Variants in MRPS6 observed in about 807,000 individuals in gnomAD.
MRPS6 encodes the protein mitochondrial ribosomal protein S6.
Under a neutral mutation model 13.1 loss-of-function variants are expected in MRPS6, and 6 were observed. The ratio of observed to expected loss-of-function variants is 0.46; its 90% CI spans 0.25 to 0.91. The LOEUF (loss-of-function observed/expected upper bound fraction) is 0.91, where lower values mean the gene tolerates loss of function less well. Among genes scored for constraint, MRPS6 ranks in the 40% least tolerant of loss-of-function variants. The pLI, the probability that MRPS6 is intolerant of heterozygous loss-of-function variation, is 0.18. For synonymous variants in MRPS6, 61 were observed against 56.5 expected (o/e 1.08, Z -0.36); for missense variants, 164 against 155.6 (o/e 1.05, Z -0.29).
intron 1 of MRPS6, among the ~76,000 whole-genome samples, chr21:34,082,303 G>A (rs1332398221): frequency 6.6e-6 from 1 of 152,042 alleles, no homozygotes; most frequent in African/African-American, 2.4e-5. Context: ...CTATAGTTTC[G>A]GATTGTTGGG....
At chr21:34,081,220 A>C (rs369446914) in intron 1 of MRPS6, among the ~76,000 whole-genome samples, 1 of 152,100 alleles carries the variant, frequency 6.6e-6, no homozygotes, top group Non-Finnish European at 1.5e-5. Flanking sequence ...GAAATTGTAG[A>C]TAATGCCATC....
intron 1 of MRPS6, chr21:34,095,753 C>T (rs754822342): frequency 6.2e-7 from 1 of 1,614,044 alleles, no homozygotes; most frequent in South Asian, 1.1e-5. Flanking sequence ...TCTACACAGA[C>T]ACTCTGCAGG....
chr21:34,100,526 T>C (rs893048949), intron 1 of MRPS6: 72 of 1,000,130 alleles, frequency 7.2e-5, no homozygotes, highest in Non-Finnish European at 8.4e-5. Flanking sequence ...AGGGCTTCCT[T>C]TTCACTTGGC....
intron 1 of MRPS6, chr21:34,097,394 T>C: frequency 2.7e-6 from 4 of 1,473,182 alleles, no homozygotes; most frequent in Non-Finnish European, 3.6e-6. Flanking sequence ...AAGACAATAC[T>C]GACTGGTCTT....
At chr21:34,102,538 C>T in intron 1 of MRPS6, 2 of 999,768 alleles carry the variant, frequency 2.0e-6, no homozygotes, top group African/African-American at 1.7e-5. Context: ...TGTATCATTG[C>T]TAATCTTGTG....
Position 34,142,867 on chromosome 21 carries a change from T to A in MRPS6, c.*267T>A. On this transcript the variant is annotated 3_prime_UTR_variant, in exon 3 of 3. Coordinates refer to ENST00000399312, the MANE Select transcript of MRPS6 (RefSeq NM_032476.4). Reference sequence around the variant, plus strand: ...TCATTTCTTTGTCATTGAGGACTTTTCCCCTTACAACAGTAACACCATTTT... The same window carrying A: ...TCATTTCTTTGTCATTGAGGACTTTACCCCTTACAACAGTAACACCATTTT... The A allele has an allele frequency of 3.3e-6, 1 of 303,132 alleles. No individual in the cohort carries two copies. The highest frequency in any genetic ancestry group is 6.0e-6 in the Non-Finnish European group (1 of 166,128). The allele number at this position is 303,132 out of a possible 1,614,324, so 18.8% of individuals were successfully genotyped here. A position where few individuals can be genotyped will look rare whatever the true frequency, so the allele number is the denominator to read the frequency against.
Position 34,137,535 on chromosome 21 carries a change from A to G in MRPS6, c.186-4873A>G, listed in dbSNP as rs8128302. 7.4e-3 allele frequency among the ~76,000 whole-genome samples: 1,133 copies of G among 152,340 alleles called. 14 individuals carry two copies. The highest frequency in any genetic ancestry group is 0.026 in the African/African-American group (1,087 of 41,572). On this transcript the variant is annotated intron_variant, in intron 2 of 2. Coordinates refer to ENST00000399312, the MANE Select transcript of MRPS6 (RefSeq NM_032476.4). ...CTTTCTCAAAACACAATCATGTCAT[A>G]TGCAAATAAGACAGTCTCACTTTTT...
At position 34,097,133 on chromosome 21, in the gene MRPS6, GAAA is replaced by G. The variant is rs1449947194; in HGVS notation, c.45+23389_45+23391del. 7 of 1,613,958 alleles carry G rather than the reference GAAA, an allele frequency of 4.3e-6. 1 individual carries two copies. The Admixed American group carries it at 1.2e-4, about 27-fold the overall frequency. On this transcript the variant is annotated intron_variant, in intron 1 of 2. Transcript: ENST00000399312. ...CTCTCATGGGTGAGAAAGAGAGAAA[GAAA>G]GAAACGGATGATGGAGGTCGGTACT...
intron 1 of MRPS6, chr21:34,095,571 T>C (rs1291490639): frequency 6.2e-7 from 1 of 1,614,014 alleles, no homozygotes; most frequent in South Asian, 1.1e-5. Flanking sequence ...GATTCAGGTC[T>C]ATTTTGCAGC....
intron 1 of MRPS6, among the ~76,000 whole-genome samples, chr21:34,110,035 A>G (rs1405129757): frequency 6.6e-6 from 1 of 152,232 alleles, no homozygotes; most frequent in African/African-American, 2.4e-5. Context: ...TTGAAATTTC[A>G]GAGCCTATTG....
chr21:34,116,178 TTGTGTGTGTGTGTGTGTG>T (rs57694757), intron 1 of MRPS6, among the ~76,000 whole-genome samples: 2 of 141,282 alleles, frequency 1.4e-5, no homozygotes, highest in South Asian at 2.3e-4. Context: ...CCAGCTAATT[TTGTGTGTGTGTGTGTGTG>T]TGTGTGTGTG....
At chr21:34,082,876 A>G (rs964184616) in intron 1 of MRPS6, among the ~76,000 whole-genome samples, 2 of 152,168 alleles carry the variant, frequency 1.3e-5, no homozygotes, top group Non-Finnish European at 2.9e-5. Flanking sequence ...CATTTTTACT[A>G]TGATTACAGT....
chr21:34,075,018 G>C (rs773719864), intron 1 of MRPS6, among the ~76,000 whole-genome samples: 3 of 152,208 alleles, frequency 2.0e-5, no homozygotes, highest in African/African-American at 7.2e-5. Context: ...GATAGTATCT[G>C]TTCAGCCTCT....
intron 1 of MRPS6, among the ~76,000 whole-genome samples, chr21:34,120,618 A>G (rs900151034): frequency 3.9e-5 from 6 of 152,172 alleles, no homozygotes; most frequent in South Asian, 4.1e-4. Context: ...GTATTATACT[A>G]TTTCGTTAAA....
chr21:34,110,106 A>G (rs1396052249), intron 1 of MRPS6, among the ~76,000 whole-genome samples: 1 of 152,152 alleles, frequency 6.6e-6, no homozygotes, highest in Non-Finnish European at 1.5e-5. Flanking sequence ...TGGAGTTTTA[A>G]AGTTCTGCTT....
At chr21:34,099,754 C>T (rs767662768) in intron 1 of MRPS6, 2 of 970,842 alleles carry the variant, frequency 2.1e-6, no homozygotes, top group East Asian at 1.2e-4. Context: ...GTTTAGAGTA[C>T]TAAAGTCTGT....
chr21:34,100,405 C>G (rs532641216), intron 1 of MRPS6: 3 of 1,000,200 alleles, frequency 3.0e-6, no homozygotes, highest in African/African-American at 3.5e-5. Context: ...TTCTTCTTCC[C>G]CAGCTATTCT....
chr21:34,095,489 C>T, intron 1 of MRPS6: 2 of 1,614,112 alleles, frequency 1.2e-6, no homozygotes, highest in Non-Finnish European at 1.7e-6. Flanking sequence ...GATGGGTTTT[C>T]ATCCCAATTT....
Position 34,096,257 on chromosome 21 carries a change from C to T in MRPS6, c.45+22512C>T. The T allele has an allele frequency of 1.2e-6, 2 of 1,614,100 alleles. No individual in the cohort carries two copies. The highest frequency in any genetic ancestry group is 1.7e-6 in the Non-Finnish European group (2 of 1,180,012). On this transcript the variant is annotated intron_variant, in intron 1 of 2. Transcript: ENST00000399312. The surrounding 1 kb of genome is among the most constrained non-coding windows in gnomAD (Gnocchi z 5.9). Reference sequence around the variant, plus strand: ...GTTGCTCCAATATTGCTTACCCACGCCTGGTGATGAAGCTGGTTCCTGTGG... The same window carrying T: ...GTTGCTCCAATATTGCTTACCCACGTCTGGTGATGAAGCTGGTTCCTGTGG...
Sources: gnomAD v4.1 joint callset for allele counts (sites outside exome capture counted in the v4.1 genomes callset) on GRCh38, gnomAD v4.1.1 for gene constraint, Gnocchi (gnomAD v3.1) non-coding constraint, MANE v1.5 for transcripts, NCBI Gene and HGNC (gene_info 2026-07-23, HGNC 2026-07-21) for gene names.